Variants in ANKRD18B observed in about 807,000 individuals in gnomAD.
The protein encoded by ANKRD18B is ankyrin repeat domain 18B.
A neutral mutation model predicts 111.8 loss-of-function variants in ANKRD18B; 75 were observed. That is an observed-to-expected ratio of 0.67 (90% confidence interval 0.56 to 0.81). The LOEUF is 0.81. Among genes scored for constraint, ANKRD18B ranks in the 40% least tolerant of loss-of-function variants. The pLI, the probability that ANKRD18B is intolerant of heterozygous loss-of-function variation, is 0.00. For synonymous variants in ANKRD18B, 356 were observed against 417.3 expected (o/e 0.85, Z 1.79); for missense variants, 1,038 against 1,225.5 (o/e 0.85, Z 2.28).
Position 33,572,730 on chromosome 9 carries a change from T to C in ANKRD18B, c.*296T>C, listed in dbSNP as rs972725887. On this transcript the variant is annotated 3_prime_UTR_variant, in exon 19 of 19. Coordinates refer to ENST00000684830, the MANE Select transcript of ANKRD18B (RefSeq NM_001393611.1). ...AAAGGTCATCTTTGCATTTTACACT[T>C]TTTATTACCATATATAGTAGGAGAC... 2.9e-6 allele frequency: 3 copies of C among 1,031,744 alleles called. No homozygotes were observed. Among genetic ancestry groups the C allele is most frequent in the Non-Finnish European group, 3.5e-6 (3 of 858,144 alleles). The allele number at this position is 1,031,744 out of a possible 1,614,324, so 63.9% of individuals were successfully genotyped here. A position where few individuals can be genotyped will look rare whatever the true frequency, so the allele number is the denominator to read the frequency against.
At chr9:33,531,286 G>GT (rs1328591550) in intron 3 of ANKRD18B, among the ~76,000 whole-genome samples, 5 of 152,016 alleles carry the variant, frequency 3.3e-5, no homozygotes, top group African/African-American at 4.8e-5. Flanking sequence ...CAGGGCCTGA[G>GT]TTTTTTTATT....
At chr9:33,547,304 C>A (rs56170862) in intron 10 of ANKRD18B, among the ~76,000 whole-genome samples, 13,241 of 152,040 alleles carry the variant, frequency 0.087, 593 homozygotes, top group South Asian at 0.099. Context: ...ATATTTTTAA[C>A]CTGTCTTTTT....
intron 17 of ANKRD18B, 118 bp downstream of exon 17, chr9:33,569,011 T>C: frequency 1.0e-6 from 1 of 982,090 alleles, no homozygotes; most frequent in Admixed American, 3.4e-5. Context: ...AAGATTATAA[T>C]TAGCTGTGTT....
At chr9:33,532,005 A>C (rs557760614) in intron 3 of ANKRD18B, among the ~76,000 whole-genome samples, 19 of 152,120 alleles carry the variant, frequency 1.2e-4, no homozygotes, top group East Asian at 1.2e-3. Flanking sequence ...GAGGCCGAGG[A>C]GGGCAGATCA....
At chr9:33,558,247 G>T in intron 14 of ANKRD18B, 60 bp downstream of exon 14, 2 of 1,526,206 alleles carry the variant, frequency 1.3e-6, no homozygotes, top group Non-Finnish European at 1.8e-6. Flanking sequence ...AGAGGTACAG[G>T]TTTGTTACAT....
intron 1 of ANKRD18B, 118 bp downstream of exon 1, chr9:33,524,813 C>T: frequency 1.6e-6 from 2 of 1,233,404 alleles, no homozygotes; most frequent in Non-Finnish European, 2.2e-6. Context: ...CAAATGGAGC[C>T]TCAGCTGCTT....
At chr9:33,537,601 C>T (rs1165091839) in intron 6 of ANKRD18B, among the ~76,000 whole-genome samples, 1 of 151,984 alleles carries the variant, frequency 6.6e-6, no homozygotes. Context: ...CAAATGGATC[C>T]TCTATTTAAT....
chr9:33,536,144 T>C, intron 5 of ANKRD18B, among the ~76,000 whole-genome samples: 1 of 152,066 alleles, frequency 6.6e-6, no homozygotes, highest in Admixed American at 6.6e-5. Flanking sequence ...TGACACCTAT[T>C]AGTTTTCTGC....
At chr9:33,535,820 T>TAA (rs1413081463) in intron 5 of ANKRD18B, among the ~76,000 whole-genome samples, 2 of 145,350 alleles carry the variant, frequency 1.4e-5, no homozygotes, top group Non-Finnish European at 1.5e-5. Context: ...AATCTATATA[T>TAA]TATATATAGA....
chr9:33,551,859 A>C (rs2118074936), intron 12 of ANKRD18B, among the ~76,000 whole-genome samples: 1 of 152,332 alleles, frequency 6.6e-6, no homozygotes, highest in Non-Finnish European at 1.5e-5. Context: ...AGCCTCATTC[A>C]TTCAGACCTG....
chr9:33,550,387 A>G (rs1828428760), intron 11 of ANKRD18B, 43 bp from the exon 12 acceptor site: 27 of 1,497,356 alleles, frequency 1.8e-5, no homozygotes, highest in Non-Finnish European at 2.4e-5. Context: ...ATAATTTAAT[A>G]ATAAGGCACT....
At position 33,568,959 on chromosome 9, in the gene ANKRD18B, G is replaced by A. The variant is rs999953596; in HGVS notation, c.3177+66G>A. The A allele has an allele frequency of 7.2e-6, 10 of 1,382,174 alleles. No individual in the cohort carries two copies. The African/African-American group carries it at 1.3e-4, about 18-fold the overall frequency. The allele number at this position is 1,382,174 out of a possible 1,614,324, so 85.6% of individuals were successfully genotyped here. A position where few individuals can be genotyped will look rare whatever the true frequency, so the allele number is the denominator to read the frequency against. ...TAATATAATTCTTGTTTATAATTTG[G>A]TGAAATACTGAGTTGTTCTGTTGAC... is the stretch of plus-strand genomic sequence containing the variant. On this transcript the variant is annotated intron_variant, in intron 17 of 18. Coordinates refer to ENST00000684830, the MANE Select transcript of ANKRD18B (RefSeq NM_001393611.1).
At chr9:33,567,397 A>G in intron 16 of ANKRD18B, 83 bp downstream of exon 16, 1 of 1,219,612 alleles carries the variant, frequency 8.2e-7, no homozygotes, top group Non-Finnish European at 1.1e-6. Flanking sequence ...AGATGGCTTC[A>G]GGAGATCAGT....
At chr9:33,531,675 A>C (rs1397131936) in intron 3 of ANKRD18B, among the ~76,000 whole-genome samples, 2 of 150,670 alleles carry the variant, frequency 1.3e-5, no homozygotes, top group Non-Finnish European at 2.9e-5. Context: ...CCTTTTTTAT[A>C]GTATATTTTC....
intron 13 of ANKRD18B, among the ~76,000 whole-genome samples, chr9:33,556,479 G>T (rs1308578464): frequency 6.6e-6 from 1 of 152,086 alleles, no homozygotes; most frequent in Non-Finnish European, 1.5e-5. Context: ...GGTCAGGCTG[G>T]TCTCGAACTC....
chr9:33,533,884 C>T (rs201157076), intron 4 of ANKRD18B: 595 of 128,012 alleles, frequency 4.6e-3, no homozygotes, highest in Middle Eastern at 0.027. Flanking sequence ...TTACCATTAT[C>T]ATTATTATTA....
chr9:33,565,281 T>G (rs1828668282), intron 14 of ANKRD18B, among the ~76,000 whole-genome samples: 1 of 152,222 alleles, frequency 6.6e-6, no homozygotes, highest in African/African-American at 2.4e-5. Context: ...CTTTCCCCAA[T>G]GTATGTTCTT....
chr9:33,565,531 C>T (rs1179622058), intron 14 of ANKRD18B, among the ~76,000 whole-genome samples: 2 of 152,194 alleles, frequency 1.3e-5, no homozygotes, highest in African/African-American at 4.8e-5. Flanking sequence ...GTGATGTGGT[C>T]ATAATTCACT....
rs1563901898 is a variant in ANKRD18B, at chr9:33,541,184, A to C, written c.1035A>C (p.Arg345Ser). ...AAMKPENLKK[R>S]KKRKKLKKRK... is the part of the protein sequence containing the mutation. ...TGAAGCCTGAAAATTTGAAAAAAAG[A>C]AAAAAAAGAAAAAAATTGAAAAAAA... Residue 345 changes from arginine (R) to serine (S), a missense_variant, in exon 9 of 19, where the codon AGA becomes AGC. This residue lies in a region of ANKRD18B where 205 missense variants were observed against 201.3 expected (regional missense o/e 1.02). Coordinates refer to ENST00000684830, the MANE Select transcript of ANKRD18B (RefSeq NM_001393611.1). The C allele has an allele frequency of 6.5e-7, 1 of 1,543,592 alleles. No homozygotes were observed.
Sources: allele counts gnomAD v4.1 joint callset (sites outside exome capture counted in the v4.1 genomes callset), GRCh38; gene constraint gnomAD v4.1.1; regional missense constraint gnomAD v4.1.1; transcripts MANE v1.5; gene names NCBI Gene and HGNC (gene_info 2026-07-23, HGNC 2026-07-21).